The following ABCA8 variants were observed in gnomAD, a reference collection of about 807,000 sequenced individuals.
The protein encoded by ABCA8 is ABC-type organic anion transporter ABCA8.
Under a neutral mutation model 192.3 loss-of-function variants are expected in ABCA8, and 177 were observed. That is an observed-to-expected ratio of 0.92 (90% confidence interval 0.81 to 1.04). The LOEUF is 1.04. Ranked by LOEUF, ABCA8 falls within the 50% of genes least tolerant of loss-of-function variation. The pLI, the probability that ABCA8 is intolerant of heterozygous loss-of-function variation, is 0.00. For synonymous variants in ABCA8, 642 were observed against 690.2 expected, an observed-to-expected ratio of 0.93 and a Z score of 1.09; for missense variants, 1,915 against 1,904.8, an observed-to-expected ratio of 1.01 and a Z score of -0.10.
intron 32 of ABCA8, chr17:68,879,820 C>T (rs11658303): frequency 0.02 from 3,038 of 152,764 alleles, 35 homozygotes; most frequent in Non-Finnish European, 0.031. Context: ...CACCTCAGCT[C>T]GCTCTGGATT....
At chr17:68,880,683 A>C (rs891719544) in intron 32 of ABCA8, 1 of 178,146 alleles carries the variant, frequency 5.6e-6, no homozygotes, top group Non-Finnish European at 1.2e-5. Context: ...TGCCTGGAGC[A>C]GCCTGCCCCA....
At chr17:68,919,518 T>A in intron 13 of ABCA8, 42 bp from the exon 14 acceptor site, 2 of 1,506,304 alleles carry the variant, frequency 1.3e-6, no homozygotes, top group Non-Finnish European at 9.1e-7. Context: ...AGGCTTAAGA[T>A]ATTTCTTAAT....
Position 68,907,737 on chromosome 17 carries a change from T to C in ABCA8, c.2278+3A>G, listed in dbSNP as rs1431262598. The C allele has an allele frequency of 6.3e-7, 1 of 1,583,136 alleles. No individual in the cohort carries two copies. Among genetic ancestry groups the C allele is most frequent in the African/African-American group, 1.4e-5 (1 of 73,568 alleles). On this transcript the variant is annotated splice_donor_region_variant and intron_variant, in intron 18 of 39. Transcript: ENST00000586539. ...TTTATTTCACAGTGTTCATGCACAT[T>C]ACCTGGAAATTTATTTGTTCTTTCT...
intron 5 of ABCA8, among the ~76,000 whole-genome samples, chr17:68,935,643 G>T (rs569030453): frequency 2.7e-5 from 4 of 147,974 alleles, no homozygotes; most frequent in Admixed American, 6.8e-5. Flanking sequence ...GAATAGTGCT[G>T]CAATAAACAT....
chr17:68,915,800 A>G (rs796734056), intron 17 of ABCA8, among the ~76,000 whole-genome samples: 3 of 152,280 alleles, frequency 2.0e-5, no homozygotes, highest in African/African-American at 7.2e-5. Context: ...AAGGAAATCA[A>G]TATGTCAAGG....
intron 17 of ABCA8, among the ~76,000 whole-genome samples, chr17:68,909,918 T>C (rs1300179558): frequency 6.6e-6 from 1 of 152,212 alleles, no homozygotes; most frequent in Non-Finnish European, 1.5e-5. Context: ...GTTTAAAATA[T>C]GGATTTGACT....
intron 19 of ABCA8, among the ~76,000 whole-genome samples, chr17:68,904,394 C>A (rs1302782216): frequency 6.6e-6 from 1 of 151,330 alleles, no homozygotes; most frequent in Non-Finnish European, 1.5e-5. Context: ...ACCTGTCTTA[C>A]CAAGGGAATA....
In ABCA8 at chr17:68,933,857, AG is replaced by A. The variant is rs148313891; in HGVS notation, c.467-587del. On this transcript the variant is annotated intron_variant, in intron 5 of 39. Coordinates refer to ENST00000586539, the MANE Select transcript of ABCA8 (RefSeq NM_001288985.2). Reference sequence around the variant, plus strand: ...AATAAGATGAATTAAAATTGAGTATAGGAATTAAATGCATATTACATGAAAT... The same window carrying A: ...AATAAGATGAATTAAAATTGAGTATAGAATTAAATGCATATTACATGAAAT... Among the ~76,000 whole-genome samples the A allele has an allele frequency of 9.6e-3, 1,458 of 152,286 alleles. 17 individuals are homozygous for A. Among genetic ancestry groups the A allele is most frequent in the African/African-American group, 0.033 (1,353 of 41,572 alleles).
chr17:68,869,687 T>C lies in ABCA8; in HGVS notation c.4711+13A>G. ...TTCTTTCCAGGGTCGTACTTCAAAG[T>C]CATACTTCTTACCCTTCTCTAATTT... is the stretch of plus-strand genomic sequence containing the variant. On this transcript the variant is annotated intron_variant, in intron 38 of 39. Transcript: ENST00000586539. The C allele has an allele frequency of 1.9e-6, 3 of 1,578,708 alleles. 1 individual carries two copies. Among genetic ancestry groups the C allele is most frequent in the South Asian group, 2.2e-5 (2 of 90,042 alleles).
At chr17:68,872,753 ATG>A (rs1241727113) in intron 37 of ABCA8, among the ~76,000 whole-genome samples, 2 of 151,990 alleles carry the variant, frequency 1.3e-5, no homozygotes, top group East Asian at 3.9e-4. Flanking sequence ...GCCTCAGCTA[ATG>A]TGTGTGTGTT....
At chr17:68,883,958 CCG>C in intron 28 of ABCA8, 76 bp from the exon 29 acceptor site, 1 of 914,708 alleles carries the variant, frequency 1.1e-6, no homozygotes, top group Non-Finnish European at 1.6e-6. Flanking sequence ...CTAATAATAA[CCG>C]AACTTCTAAA....
chr17:68,917,502 C>T (rs758807887), intron 16 of ABCA8, 51 bp from the exon 17 acceptor site: 24 of 1,349,926 alleles, frequency 1.8e-5, no homozygotes, highest in Non-Finnish European at 2.3e-5. Context: ...GTGGCCCATC[C>T]ATTTCCAAGA....
chr17:68,931,356 T>C (rs1352411394), intron 7 of ABCA8, among the ~76,000 whole-genome samples: 2 of 152,224 alleles, frequency 1.3e-5, no homozygotes, highest in African/African-American at 4.8e-5. Flanking sequence ...TATATTTCTT[T>C]CCTTGTTACT....
chr17:68,945,348 A>T (rs560825178), intron 2 of ABCA8, among the ~76,000 whole-genome samples: 76 of 151,248 alleles, frequency 5.0e-4, no homozygotes, highest in African/African-American at 1.7e-3. Context: ...TTTTTGTCAT[A>T]CCTATTTGCA....
intron 13 of ABCA8, among the ~76,000 whole-genome samples, chr17:68,921,105 A>T (rs957369239): frequency 2.0e-5 from 3 of 152,170 alleles, no homozygotes; most frequent in African/African-American, 7.2e-5. Context: ...CAAGGACAAA[A>T]AACCAAACGC....
chr17:68,927,941 C>T lies in ABCA8; in HGVS notation c.1248G>A (p.Ala416=), dbSNP rs767524085. 1.1e-5 allele frequency: 18 copies of T among 1,601,256 alleles called. No individual in the cohort carries two copies. The highest frequency in any genetic ancestry group is 4.0e-5 in the African/African-American group (3 of 74,206). Residue 416 remains alanine (A), a synonymous_variant, in exon 10 of 40, where the codon GCG becomes GCA. Transcript: ENST00000586539. ...TTGGCAAAATTTTTTCAAAGTAAAT[C>T]GCCAATGCCAGATAGAGGCAAGTGT... is the stretch of plus-strand genomic sequence containing the variant. ...AFDTCLYLAL[A]IYFEKILPNE...
At position 68,882,599 on chromosome 17, in the gene ABCA8, C is replaced by A. The variant is rs1278408686; in HGVS notation, c.3828G>T (p.Glu1276Asp). ...ANALNSTNFD[E>D]KPVIIASCLR... ...AAAAAACCTTTGTGTTATGTTTTACCTCATCAAAATTAGTAGAATTCAAGG... is the reference window on the plus strand; with the variant it reads ...AAAAAACCTTTGTGTTATGTTTTACATCATCAAAATTAGTAGAATTCAAGG... The change falls in exon 30 of 40, where the codon GAG becomes GAT. Residue 1276 changes from glutamate to aspartate, a missense_variant and splice_region_variant. Glu to Asp is a conservative substitution (Grantham distance 45, BLOSUM62 2). Coordinates refer to ENST00000586539, the MANE Select transcript of ABCA8 (RefSeq NM_001288985.2). 1 of 1,610,160 alleles carries A rather than the reference C, an allele frequency of 6.2e-7. No individual in the cohort carries two copies. The highest frequency in any genetic ancestry group is 1.7e-5 in the Admixed American group (1 of 59,776).
intron 30 of ABCA8, 132 bp downstream of exon 30, chr17:68,882,467 C>T: frequency 1.4e-6 from 1 of 704,398 alleles, no homozygotes; most frequent in South Asian, 3.0e-5. Context: ...TTTAGTCGCT[C>T]ATTTAATCGT....
chr17:68,886,175 T>A (rs749287052), intron 26 of ABCA8, among the ~76,000 whole-genome samples: 1 of 152,218 alleles, frequency 6.6e-6, no homozygotes. Flanking sequence ...CCATCATTTT[T>A]ATGGCTATCA....
Sources: gnomAD v4.1 joint callset for allele counts (sites outside exome capture counted in the v4.1 genomes callset) on GRCh38, gnomAD v4.1.1 for gene constraint, MANE v1.5 for transcripts, NCBI Gene and HGNC (gene_info 2026-07-23, HGNC 2026-07-21) for gene names.